The following FER1L6 variants were observed in gnomAD, a reference collection of about 807,000 sequenced individuals.
FER1L6 encodes fer-1 like family member 6, also known as fer-1-like protein 6.
FER1L6 carries 177 observed loss-of-function variants against 219.2 expected under a neutral mutation model. The ratio of observed to expected loss-of-function variants is 0.81; its 90% CI spans 0.71 to 0.91. The LOEUF is 0.91. FER1L6 is among the 40% of genes least tolerant of loss of function. The pLI, the probability that FER1L6 is intolerant of heterozygous loss-of-function variation, is 0.00. For missense variants in FER1L6, 2,153 were observed against 2,259.9 expected (o/e 0.95, Z 0.96); for synonymous variants, 768 against 824.3 (o/e 0.93, Z 1.17).
At chr8:123,917,984 C>T (rs1813238352) in intron 1 of FER1L6, among the ~76,000 whole-genome samples, 1 of 152,106 alleles carries the variant, frequency 6.6e-6, no homozygotes, top group African/African-American at 2.4e-5. Flanking sequence ...GAAGTTTGTG[C>T]TTAGGTCTTG....
intron 39 of FER1L6, among the ~76,000 whole-genome samples, chr8:124,110,107 C>A (rs1250525866): frequency 1.3e-5 from 2 of 152,180 alleles, no homozygotes; most frequent in African/African-American, 4.8e-5. Flanking sequence ...TCAGTCAGAA[C>A]ACATCCAATG....
In FER1L6 at chr8:123,865,055, C is replaced by T. The variant is rs1014116958; in HGVS notation, c.-8+12870C>T. Among the ~76,000 whole-genome samples, 7 of 151,204 alleles carry T rather than the reference C, an allele frequency of 4.6e-5. 1 individual carries two copies. Among genetic ancestry groups the T allele is most frequent in the African/African-American group, 1.5e-4 (6 of 40,518 alleles). ...GCGTTCCTTTGGAGGAGGAGAGGTG[C>T]TCTGTGTTTTAGAGTTTCCAGTTTT... is the stretch of plus-strand genomic sequence containing the variant. On this transcript the variant is annotated intron_variant, in intron 1 of 40. Coordinates refer to ENST00000522917, the MANE Select transcript of FER1L6 (RefSeq NM_001039112.2).
intron 23 of FER1L6, 79 bp downstream of exon 23, chr8:124,060,369 A>G (rs1820508801): frequency 1.4e-6 from 2 of 1,478,796 alleles, no homozygotes; most frequent in African/African-American, 1.4e-5. Flanking sequence ...GAGAGGTGAT[A>G]TGGAATGGGC....
At chr8:123,909,696 G>A (rs1411880490) in intron 1 of FER1L6, among the ~76,000 whole-genome samples, 1 of 152,074 alleles carries the variant, frequency 6.6e-6, no homozygotes, top group East Asian at 1.9e-4. Context: ...ATAGCCTAGG[G>A]CCAATTATTT....
chr8:124,035,353 A>G lies in FER1L6; in HGVS notation c.2363A>G (p.His788Arg). The G allele has an allele frequency of 1.9e-6, 3 of 1,614,142 alleles. No homozygotes were observed. Among genetic ancestry groups the G allele is most frequent in the Non-Finnish European group, 8.5e-7 (1 of 1,180,004 alleles). The change falls in exon 19 of 41, where the codon CAT becomes CGT. Residue 788 changes from histidine to arginine, a missense_variant. His to Arg is a conservative substitution (Grantham distance 29). Coordinates refer to ENST00000522917, the MANE Select transcript of FER1L6 (RefSeq NM_001039112.2). Reference sequence around the variant, plus strand: ...TACCTGTGGCTGGGCTCCATCAAGCATGCCAGTGCCATTTTGGACAACTTG... The same window carrying G: ...TACCTGTGGCTGGGCTCCATCAAGCGTGCCAGTGCCATTTTGGACAACTTG... ...DVYLWLGSIK[H>R]ASAILDNLPV...
At chr8:123,872,642 A>G (rs1816944955) in intron 1 of FER1L6, among the ~76,000 whole-genome samples, 1 of 152,224 alleles carries the variant, frequency 6.6e-6, no homozygotes, top group East Asian at 1.9e-4. Flanking sequence ...GGCATGGGGA[A>G]TATAGAAACT....
At chr8:124,066,631 C>A in intron 27 of FER1L6, 81 bp downstream of exon 27, 1 of 1,504,418 alleles carries the variant, frequency 6.6e-7, no homozygotes, top group Non-Finnish European at 9.0e-7. Context: ...TCCTACATAA[C>A]CTCCTTTTAA....
intron 18 of FER1L6, among the ~76,000 whole-genome samples, chr8:124,030,673 T>C (rs1381819284): frequency 6.6e-6 from 1 of 152,128 alleles, no homozygotes; most frequent in Non-Finnish European, 1.5e-5. Flanking sequence ...GGAGTCCATC[T>C]CCTGTTCTCC....
chr8:123,982,028 TTC>T, intron 11 of FER1L6, among the ~76,000 whole-genome samples: 1 of 152,306 alleles, frequency 6.6e-6, no homozygotes, highest in Non-Finnish European at 1.5e-5. Flanking sequence ...ACCTCCCCAG[TTC>T]TCTCCTCTGA....
At chr8:124,089,904 G>A (rs6470218) in intron 33 of FER1L6, among the ~76,000 whole-genome samples, 126,511 of 152,152 alleles carry the variant, frequency 0.83, 52,717 homozygotes, top group Non-Finnish European at 0.86. Flanking sequence ...CAATATATCT[G>A]TAGAATTCAA....
chr8:123,930,988 A>G (rs541252981), intron 1 of FER1L6, among the ~76,000 whole-genome samples: 2 of 152,128 alleles, frequency 1.3e-5, no homozygotes, highest in Admixed American at 6.5e-5. Context: ...CCTTTCTGCT[A>G]TGGTTTTGAA....
At position 123,975,319 on chromosome 8, in the gene FER1L6, C is replaced by T; in HGVS notation, c.683+13C>T. ...AGCCAATAGAAAAGTAAGACAGGTC[C>T]ATCCTGGGTTGTGCATAGAAATGAT... On this transcript the variant is annotated intron_variant, in intron 8 of 40. Transcript: ENST00000522917. 1 of 1,592,284 alleles carries T rather than the reference C, an allele frequency of 6.3e-7. No individual in the cohort carries two copies. Among genetic ancestry groups the T allele is most frequent in the Non-Finnish European group, 8.6e-7 (1 of 1,167,502 alleles).
At chr8:123,938,250 G>T (rs1814082188) in intron 1 of FER1L6, among the ~76,000 whole-genome samples, 1 of 152,144 alleles carries the variant, frequency 6.6e-6, no homozygotes, top group Non-Finnish European at 1.5e-5. Flanking sequence ...ATACCTCCTT[G>T]GTACATGGGA....
chr8:124,081,620 AAAAAAG>A (rs1226915919), intron 32 of FER1L6, among the ~76,000 whole-genome samples: 3 of 150,246 alleles, frequency 2.0e-5, no homozygotes, highest in Admixed American at 6.6e-5. Flanking sequence ...AAAAAAAAAA[AAAAAAG>A]GGCAGGTCCC....
chr8:123,970,382 C>G (rs932814416), intron 6 of FER1L6, among the ~76,000 whole-genome samples: 2 of 152,128 alleles, frequency 1.3e-5, no homozygotes, highest in Middle Eastern at 3.2e-3. Context: ...ATGTGAGACA[C>G]GTGCTTCAAG....
chr8:123,867,253 AT>A, intron 1 of FER1L6, among the ~76,000 whole-genome samples: 2 of 152,208 alleles, frequency 1.3e-5, no homozygotes, highest in Middle Eastern at 6.8e-3. Context: ...ATGGTGTGAC[AT>A]TTTCATTTAG....
At chr8:123,866,452 G>A (rs757532904) in intron 1 of FER1L6, among the ~76,000 whole-genome samples, 4 of 152,136 alleles carry the variant, frequency 2.6e-5, no homozygotes, top group East Asian at 1.9e-4. Context: ...AAATAAACAC[G>A]GGAGTGCAGA....
chr8:123,965,877 C>T (rs1815511974), intron 3 of FER1L6, 130 bp from the exon 4 acceptor site: 1 of 837,266 alleles, frequency 1.2e-6, no homozygotes. Context: ...ATACTTATCT[C>T]CCCCAGAGAT....
At chr8:124,032,545 A>G (rs1413431779) in intron 18 of FER1L6, among the ~76,000 whole-genome samples, 4 of 152,162 alleles carry the variant, frequency 2.6e-5, no homozygotes, top group African/African-American at 9.7e-5. Context: ...CCTAGGAAAC[A>G]TGGTGAAACC....
Sources: allele counts gnomAD v4.1 joint callset (sites outside exome capture counted in the v4.1 genomes callset), GRCh38; gene constraint gnomAD v4.1.1; transcripts MANE v1.5; gene names NCBI Gene and HGNC (gene_info 2026-07-23, HGNC 2026-07-21).